The following NUP155 variants were observed in gnomAD, a reference collection of about 807,000 sequenced individuals.
NUP155 encodes the protein nuclear pore complex protein Nup155.
Under a neutral mutation model 180.4 loss-of-function variants are expected in NUP155, and 71 were observed. The observed-to-expected ratio is 0.39, with a 90% confidence interval of 0.33 to 0.48. The LOEUF is 0.48. Among genes scored for constraint, NUP155 ranks in the 20% least tolerant of loss-of-function variants. The pLI, the probability that NUP155 is intolerant of heterozygous loss-of-function variation, is 0.91. For missense variants in NUP155, 1,553 were observed against 1,648.9 expected, an observed-to-expected ratio of 0.94 and a Z score of 1.01; for synonymous variants, 582 against 559.5, an observed-to-expected ratio of 1.04 and a Z score of -0.57.
In NUP155 at chr5:37,290,847, T is replaced by C. The variant is rs775948706; in HGVS notation, c.*1053A>G. The C allele has an allele frequency of 6.6e-6, 1 of 152,092 alleles. No individual in the cohort carries two copies. Among genetic ancestry groups the C allele is most frequent in the African/African-American group, 2.4e-5 (1 of 41,422 alleles). 9.4% of individuals were successfully genotyped at this position (152,092 alleles called of 1,614,324 possible). A position where few individuals can be genotyped will look rare whatever the true frequency, so the allele number is the denominator to read the frequency against. ...ACGTTTTTGATTCAGTAGGTCTGGGTTGGGGCTCGAGAATTTGCATTTCTA... is the reference window on the plus strand; with the variant it reads ...ACGTTTTTGATTCAGTAGGTCTGGGCTGGGGCTCGAGAATTTGCATTTCTA... On this transcript the variant is annotated 3_prime_UTR_variant, in exon 35 of 35. Coordinates refer to ENST00000231498, the MANE Select transcript of NUP155 (RefSeq NM_153485.3).
chr5:37,316,503 T>C (rs1343354620), intron 21 of NUP155, among the ~76,000 whole-genome samples: 1 of 152,166 alleles, frequency 6.6e-6, no homozygotes, highest in Non-Finnish European at 1.5e-5. Context: ...TTGCTCTTGT[T>C]GCCCAGGCTA....
intron 23 of NUP155, 112 bp downstream of exon 23, chr5:37,310,440 G>A (rs1743452992): frequency 1.3e-6 from 1 of 777,286 alleles, no homozygotes; most frequent in South Asian, 1.7e-5. Flanking sequence ...CTGAGGCTAG[G>A]AGAGGTTAAG....
chr5:37,294,514 C>T (rs781775821), intron 32 of NUP155, 49 bp from the exon 33 acceptor site: 16 of 1,556,072 alleles, frequency 1.0e-5, no homozygotes, highest in Admixed American at 1.7e-5. Flanking sequence ...GCTCTTGATA[C>T]TAAAAGGTAG....
Position 37,332,313 on chromosome 5 carries a change from C to CTTTTT in NUP155, c.1519-523_1519-519dup, listed in dbSNP as rs1021002313. ...GCAATTGAGGTTTCTGCCATTACAG[C>CTTTTT]TTTTTTTTTTTTTTTTTTTTTTTTT... is the stretch of plus-strand genomic sequence containing the variant. On this transcript the variant is annotated intron_variant, in intron 13 of 34. Coordinates refer to ENST00000231498, the MANE Select transcript of NUP155 (RefSeq NM_153485.3). Among the ~76,000 whole-genome samples, 523 of 87,708 alleles carry CTTTTT rather than the reference C, an allele frequency of 6.0e-3. 66 individuals are homozygous for CTTTTT. Among genetic ancestry groups the CTTTTT allele is most frequent in the African/African-American group, 0.028 (504 of 17,722 alleles). The allele number at this position is 87,708 out of a possible 152,430, so 57.5% of individuals were successfully genotyped here.
At chr5:37,321,429 T>C (rs1305508659) in intron 20 of NUP155, among the ~76,000 whole-genome samples, 1 of 152,088 alleles carries the variant, frequency 6.6e-6, no homozygotes, top group South Asian at 2.1e-4. Flanking sequence ...GCTTAAAAGA[T>C]AAAGACAGGC....
At position 37,292,984 on chromosome 5, in the gene NUP155, T is replaced by C; in HGVS notation, c.3932A>G (p.Asp1311Gly). ...EVYDQLFKSR[D>G]PFWNRMKKPL... ...CTTCTTCATTCTGTTCCAGAATGGA[T>C]CCTATGAAGAAATATACATAATGAA... The change falls in exon 34 of 35, where the codon GAT (aspartate) becomes GGT (glycine). Residue 1311 changes from aspartate (D) to glycine (G), a missense_variant and splice_region_variant. Transcript: ENST00000231498. 3 of 1,576,210 alleles carry C rather than the reference T, an allele frequency of 1.9e-6. No individual in the cohort carries two copies. Among genetic ancestry groups the C allele is most frequent in the Non-Finnish European group, 2.6e-6 (3 of 1,145,804 alleles).
At chr5:37,347,108 G>A (rs1267141077) in intron 9 of NUP155, among the ~76,000 whole-genome samples, 4 of 152,074 alleles carry the variant, frequency 2.6e-5, no homozygotes, top group Non-Finnish European at 5.9e-5. Context: ...TGTGCCTGTA[G>A]TCCTAGCCGC....
Position 37,333,637 on chromosome 5 carries a change from T to A in NUP155, c.1348-4A>T, listed in dbSNP as rs777690394. 3 of 1,611,424 alleles carry A rather than the reference T, an allele frequency of 1.9e-6. No homozygotes were observed. The highest frequency in any genetic ancestry group is 1.7e-6 in the Non-Finnish European group (2 of 1,178,162). ...GACCATCAACACCAGCTGTCATCTATGTAAAAGAAATAAATGTTTTATACA... is the reference window on the plus strand; with the variant it reads ...GACCATCAACACCAGCTGTCATCTAAGTAAAAGAAATAAATGTTTTATACA... On this transcript the variant is annotated splice_polypyrimidine_tract_variant and splice_region_variant and intron_variant, in intron 12 of 34. Coordinates refer to ENST00000231498, the MANE Select transcript of NUP155 (RefSeq NM_153485.3).
At chr5:37,320,339 T>C (rs7712722) in intron 20 of NUP155, among the ~76,000 whole-genome samples, 9,533 of 152,024 alleles carry the variant, frequency 0.063, 964 homozygotes, top group African/African-American at 0.21. Context: ...TAGCTGGGCG[T>C]GGTGGCTCAT....
chr5:37,309,381 T>A, intron 23 of NUP155, 114 bp from the exon 24 acceptor site: 1 of 850,502 alleles, frequency 1.2e-6, no homozygotes, highest in South Asian at 1.6e-5. Context: ...ACCATTAAAA[T>A]GAAAACAACT....
At chr5:37,367,267 G>C (rs1747653803) in intron 1 of NUP155, among the ~76,000 whole-genome samples, 2 of 151,686 alleles carry the variant, frequency 1.3e-5, no homozygotes, top group South Asian at 4.2e-4. Context: ...CTGTCGCCCA[G>C]GCTGTAGTGC....
intron 32 of NUP155, 28 bp downstream of exon 32, chr5:37,298,839 AC>A: frequency 8.8e-7 from 1 of 1,138,930 alleles, no homozygotes; most frequent in Non-Finnish European, 1.3e-6. Flanking sequence ...AACAGAAAAT[AC>A]GTGACTGCAC....
Position 37,342,656 on chromosome 5 carries a change from A to T in NUP155, c.996-10T>A. 1.3e-6 allele frequency: 2 copies of T among 1,529,528 alleles called. No individual in the cohort carries two copies. The highest frequency in any genetic ancestry group is 1.8e-6 in the Non-Finnish European group (2 of 1,103,402). 94.7% of individuals were successfully genotyped at this position (1,529,528 alleles called of 1,614,324 possible). A position where few individuals can be genotyped will look rare whatever the true frequency, so the allele number is the denominator to read the frequency against. Reference sequence around the variant, plus strand: ...AGAACGATCGATGGTCCTAAAAGAAAGGAGAAAATAAAGTGTATTTTTAAA... The same window carrying T: ...AGAACGATCGATGGTCCTAAAAGAATGGAGAAAATAAAGTGTATTTTTAAA... On this transcript the variant is annotated splice_polypyrimidine_tract_variant and intron_variant, in intron 9 of 34. Transcript: ENST00000231498.
At chr5:37,326,254 T>A (rs1010349514) in intron 18 of NUP155, among the ~76,000 whole-genome samples, 1 of 152,188 alleles carries the variant, frequency 6.6e-6, no homozygotes, top group Non-Finnish European at 1.5e-5. Flanking sequence ...TTTCATACTT[T>A]TAAGCAAATG....
At chr5:37,370,155 G>A (rs1043692023) in intron 1 of NUP155, among the ~76,000 whole-genome samples, 4 of 152,170 alleles carry the variant, frequency 2.6e-5, no homozygotes, top group African/African-American at 9.7e-5. Flanking sequence ...CGGATCACTT[G>A]AGGTCAGAGT....
chr5:37,324,912 G>A (rs1744487195), intron 19 of NUP155, among the ~76,000 whole-genome samples: 1 of 152,080 alleles, frequency 6.6e-6, no homozygotes, highest in South Asian at 2.1e-4. Context: ...TCTCAGTGGA[G>A]GCCGAGGTGG....
intron 3 of NUP155, among the ~76,000 whole-genome samples, chr5:37,362,295 T>C (rs1395060401): frequency 6.6e-6 from 1 of 152,090 alleles, no homozygotes; most frequent in Admixed American, 6.6e-5. Context: ...ATTAGTGTTT[T>C]TTTTTTTTTG....
intron 17 of NUP155, among the ~76,000 whole-genome samples, chr5:37,328,144 A>G (rs558554258): frequency 5.3e-5 from 8 of 152,224 alleles, no homozygotes; most frequent in Non-Finnish European, 1.0e-4. Flanking sequence ...CTGGTAGCCA[A>G]ATAATGGGCT....
intron 11 of NUP155, 42 bp from the exon 12 acceptor site, chr5:37,337,960 T>C (rs1459596716): frequency 8.7e-7 from 1 of 1,143,540 alleles, no homozygotes; most frequent in Non-Finnish European, 1.3e-6. Context: ...TCATGTCAAA[T>C]ATGCATCCTC....
Sources: allele counts gnomAD v4.1 joint callset (sites outside exome capture counted in the v4.1 genomes callset), GRCh38; gene constraint gnomAD v4.1.1; transcripts MANE v1.5; gene names NCBI Gene and HGNC (gene_info 2026-07-23, HGNC 2026-07-21).